Variants in TGDS observed in about 807,000 individuals in gnomAD.
The protein encoded by TGDS is TDP-glucose 4,6-dehydratase, also known as UDP-D-glucose 4,6-dehydratase.
TGDS carries 47 observed loss-of-function variants against 52.3 expected under a neutral mutation model. The observed-to-expected ratio is 0.90, with a 90% CI of 0.71 to 1.15. TGDS has a LOEUF of 1.15. Ranked by LOEUF, TGDS falls within the 50% of genes most tolerant of loss-of-function variation. The pLI, the probability that TGDS is intolerant of heterozygous loss-of-function variation, is 0.00. For missense variants in TGDS, 375 were observed against 418.4 expected, an observed-to-expected ratio of 0.90 and a Z score of 0.90; for synonymous variants, 115 against 136.9, an observed-to-expected ratio of 0.84 and a Z score of 1.12.
At chr13:94,579,784 T>C (rs1888721932) in intron 7 of TGDS, 110 bp downstream of exon 7, 1 of 628,074 alleles carries the variant, frequency 1.6e-6, no homozygotes, top group Non-Finnish European at 2.7e-6. Context: ...TATAAAATTA[T>C]GTATAATTTA....
intron 4 of TGDS, among the ~76,000 whole-genome samples, chr13:94,585,643 C>A (rs142795082): frequency 0.014 from 2,198 of 151,648 alleles, 55 homozygotes; most frequent in African/African-American, 0.05. Context: ...ACTCAAAATA[C>A]AAAAAAATAA....
In TGDS at chr13:94,593,780, T is replaced by C; in HGVS notation, c.153+61A>G. ...ATCAGCATGACAAGATTCTAGTACTTTTAGAAAACATAAATTGAAATGTAA... is the reference window on the plus strand; with the variant it reads ...ATCAGCATGACAAGATTCTAGTACTCTTAGAAAACATAAATTGAAATGTAA... On this transcript the variant is annotated intron_variant, in intron 2 of 11. Coordinates refer to ENST00000261296, the MANE Select transcript of TGDS (RefSeq NM_014305.4). 2.4e-6 allele frequency: 3 copies of C among 1,228,534 alleles called. No individual in the cohort carries two copies. The East Asian group carries it at 7.0e-5, about 29-fold the overall frequency. The allele number at this position is 1,228,534 out of a possible 1,614,324, so 76.1% of individuals were successfully genotyped here. A position where few individuals can be genotyped will look rare whatever the true frequency, so the allele number is the denominator to read the frequency against.
chr13:94,583,235 A>T lies in TGDS; in HGVS notation c.315T>A (p.Asp105Glu), dbSNP rs774871143. 44 of 1,610,148 alleles carry T rather than the reference A, an allele frequency of 2.7e-5. No individual in the cohort carries two copies. Among genetic ancestry groups the T allele is most frequent in the Non-Finnish European group, 3.4e-5 (40 of 1,179,100 alleles). The change falls in exon 5 of 12, where the codon GAT becomes GAA. Residue 105 changes from aspartate to glutamate, a missense_variant and splice_region_variant. Coordinates refer to ENST00000261296, the MANE Select transcript of TGDS (RefSeq NM_014305.4). ...ACTCAAAGGCACGTACGAATGAAAGATCTAAAAGAAAAGAGTGAAAAGCTA... is the reference window on the plus strand; with the variant it reads ...ACTCAAAGGCACGTACGAATGAAAGTTCTAAAAGAAAAGAGTGAAAAGCTA... ...VLHFAAQTHVDLSFVRAFEFT... is the reference protein window; with the variant it reads ...VLHFAAQTHVELSFVRAFEFT...
At chr13:94,588,737 C>G (rs1209406670) in intron 4 of TGDS, among the ~76,000 whole-genome samples, 1 of 152,140 alleles carries the variant, frequency 6.6e-6, no homozygotes, top group Non-Finnish European at 1.5e-5. Context: ...TAGAAGTGCA[C>G]AACTGCTTTT....
intron 4 of TGDS, among the ~76,000 whole-genome samples, chr13:94,590,196 CAT>C (rs1210208974): frequency 1.4e-5 from 2 of 147,074 alleles, no homozygotes; most frequent in African/African-American, 4.9e-5. Flanking sequence ...ATATATTTAA[CAT>C]ATATTAAGTA....
At chr13:94,579,535 T>C (rs545771533) in intron 7 of TGDS, 9 of 163,196 alleles carry the variant, frequency 5.5e-5, no homozygotes, top group African/African-American at 1.7e-4. Flanking sequence ...TACGCTGACA[T>C]ACTGGTCTGA....
Position 94,581,094 on chromosome 13 carries a change from A to G in TGDS, c.552T>C (p.Tyr184=), listed in dbSNP as rs891369279. The change falls in exon 6 of 12, where the codon TAT becomes TAC. Residue 184 remains tyrosine (Y), a synonymous_variant. Coordinates refer to ENST00000261296, the MANE Select transcript of TGDS (RefSeq NM_014305.4). ...AGTTTCTGCAATCAGTTCTTACCTT[A>G]TATTGTTCCCAGTAAGACTGTACAA... ...ECFVQSYWEQ[Y]KFPVVITRSS... 1 of 1,537,442 alleles carries G rather than the reference A, an allele frequency of 6.5e-7. No homozygotes were observed. The highest frequency in any genetic ancestry group is 1.4e-5 in the African/African-American group (1 of 73,258).
upstream of TGDS, chr13:94,596,238 T>C (rs1296592013): frequency 7.7e-7 from 1 of 1,301,000 alleles, no homozygotes; most frequent in African/African-American, 1.5e-5. Context: ...GCGGGACACG[T>C]TAACAGAGCA....
In TGDS at chr13:94,574,560, T is replaced by C. The variant is rs577629152; in HGVS notation, c.*222A>G. 2.1e-4 allele frequency: 103 copies of C among 480,016 alleles called. No homozygotes were observed. The highest frequency in any genetic ancestry group is 5.5e-4 in the Middle Eastern group (1 of 1,826). The allele number at this position is 480,016 out of a possible 1,614,324, so 29.7% of individuals were successfully genotyped here. On this transcript the variant is annotated 3_prime_UTR_variant, in exon 12 of 12. Transcript: ENST00000261296. ...TCTACACCTATTATTTCCTAGTTTC[T>C]AGGAGAAAGGGTTTCAGAAAGAATT...
At chr13:94,575,896 C>T (rs1888582335) in intron 11 of TGDS, among the ~76,000 whole-genome samples, 2 of 151,892 alleles carry the variant, frequency 1.3e-5, no homozygotes, top group South Asian at 4.1e-4. Context: ...AGCCTCAAGA[C>T]ACAAAAAAGA....
rs1889183793 is a variant in TGDS, at chr13:94,591,024, CT to C, written c.223-82del. On this transcript the variant is annotated intron_variant, in intron 3 of 11. Transcript: ENST00000261296. ...TAACCATTTTTACTATAGCATCCCC[CT>C]ACCTCCCACCTCCCTGTTTAATAGA... The C allele has an allele frequency of 3.3e-6, 3 of 897,026 alleles. No homozygotes were observed. The Admixed American group carries it at 8.6e-5, about 26-fold the overall frequency. 55.6% of individuals were successfully genotyped at this position (897,026 alleles called of 1,614,324 possible). A position where few individuals can be genotyped will look rare whatever the true frequency, so the allele number is the denominator to read the frequency against.
intron 4 of TGDS, among the ~76,000 whole-genome samples, chr13:94,589,612 C>G (rs778268566): frequency 6.6e-6 from 1 of 151,974 alleles, no homozygotes; most frequent in South Asian, 2.1e-4. Flanking sequence ...CCGCTCCCGG[C>G]CAAAATGGAC....
chr13:94,585,072 TTC>T (rs1295576294), intron 4 of TGDS, among the ~76,000 whole-genome samples: 6 of 151,354 alleles, frequency 4.0e-5, no homozygotes, highest in Non-Finnish European at 4.4e-5. Context: ...CTTTTTTTTT[TTC>T]TCTCTCTCTC....
At chr13:94,591,027 C>T in intron 3 of TGDS, 84 bp from the exon 4 acceptor site, 1 of 848,182 alleles carries the variant, frequency 1.2e-6, no homozygotes, top group Non-Finnish European at 1.8e-6. Context: ...CATCCCCCTA[C>T]CTCCCACCTC....
intron 4 of TGDS, among the ~76,000 whole-genome samples, chr13:94,585,478 A>T (rs574352804): frequency 6.6e-6 from 1 of 152,288 alleles, no homozygotes; most frequent in Non-Finnish European, 1.5e-5. Context: ...TAGTGGAAAT[A>T]AAAAAACAAA....
At position 94,583,141 on chromosome 13, in the gene TGDS, ACTT is replaced by A. The variant is rs777875579; in HGVS notation, c.406_408del (p.Lys136del). The A allele has an allele frequency of 6.2e-7, 1 of 1,613,880 alleles. No individual in the cohort carries two copies. Among genetic ancestry groups the A allele is most frequent in the South Asian group, 1.1e-5 (1 of 91,022 alleles). On this transcript the variant is annotated inframe_deletion, in exon 5 of 12. Transcript: ENST00000261296. ...ACTTCATCTGTGCTGACATAAATAAACTTCTCCACTCTGGCTTCATGAGCAGCA... is the reference window on the plus strand; with the variant it reads ...ACTTCATCTGTGCTGACATAAATAAACTCCACTCTGGCTTCATGAGCAGCA...
At chr13:94,584,893 G>A (rs1888925629) in intron 4 of TGDS, among the ~76,000 whole-genome samples, 1 of 152,084 alleles carries the variant, frequency 6.6e-6, no homozygotes, top group Admixed American at 6.6e-5. Flanking sequence ...AATCAAATGT[G>A]TTAAAATCTA....
intron 7 of TGDS, chr13:94,579,313 T>C (rs1292369650): frequency 2.0e-5 from 3 of 152,574 alleles, no homozygotes; most frequent in East Asian, 3.8e-4. Flanking sequence ...GCCAAAGTTA[T>C]ATAAAATCAG....
rs148834577 is a variant in TGDS, at chr13:94,586,634, G to A, written c.314-3398C>T. On this transcript the variant is annotated intron_variant, in intron 4 of 11. Coordinates refer to ENST00000261296, the MANE Select transcript of TGDS (RefSeq NM_014305.4). ...ATAAAGGACTACAATCATAGAGTAC[G>A]TTATCTAATCACATACAATTAAGCT... 1.7e-4 allele frequency among the ~76,000 whole-genome samples: 26 copies of A among 151,986 alleles called. No individual in the cohort carries two copies. The East Asian group carries it at 4.1e-3, about 24-fold the overall frequency.
Sources: allele counts gnomAD v4.1 joint callset (sites outside exome capture counted in the v4.1 genomes callset), GRCh38; gene constraint gnomAD v4.1.1; transcripts MANE v1.5; gene names NCBI Gene and HGNC (gene_info 2026-07-23, HGNC 2026-07-21).